P3H3: variants seen among roughly 807,000 people sequenced by gnomAD.
P3H3 encodes prolyl 3-hydroxylase 3.
Under a neutral mutation model 78.1 loss-of-function variants are expected in P3H3, and 64 were observed. The ratio of observed to expected loss-of-function variants is 0.82; its 90% confidence interval spans 0.67 to 1.01. P3H3 has a LOEUF of 1.01. Ranked by LOEUF, P3H3 falls within the 50% of genes least tolerant of loss-of-function variation. The pLI is 0.00. For synonymous variants in P3H3, 425 were observed against 416.7 expected (o/e 1.02, Z -0.24); for missense variants, 975 against 982.2 (o/e 0.99, Z 0.10).
At chr12:6,830,794 G>A (rs376674278) in intron 4 of P3H3, 24 bp downstream of exon 4, 48 of 1,613,146 alleles carry the variant, frequency 3.0e-5, no homozygotes, top group South Asian at 1.1e-4. Flanking sequence ...GGGTGGAAAC[G>A]GGGAGTGAAG....
Position 6,831,146 on chromosome 12 carries a change from C to T in P3H3, c.986-70C>T. 3 of 1,597,900 alleles carry T rather than the reference C, an allele frequency of 1.9e-6. No homozygotes were observed. The highest frequency in any genetic ancestry group is 2.6e-6 in the Non-Finnish European group (3 of 1,165,928). On this transcript the variant is annotated intron_variant, in intron 4 of 14. Coordinates refer to ENST00000290510, the MANE Select transcript of P3H3 (RefSeq NM_014262.5). This position sits in a 1 kb window ranked among gnomAD's most constrained non-coding sequence, Gnocchi z 4.6. ...TGGAGACCACCTTCTCCAGCACTGC[C>T]TCTGCCCCAAGGATCAATGTGCTCT...
chr12:6,833,628 C>G lies in P3H3; in HGVS notation c.1249C>G (p.Leu417Val). ...WTPAALIPEA[L>V]REKLREDQEK... ...CCCTGCAGCTCTCATCCCTGAGGCA[C>G]TTAGAGAAAAGCTCAGGTAGGATAT... is the stretch of plus-strand genomic sequence containing the variant. Residue 417 changes from leucine to valine, a missense_variant, in exon 7 of 15, where the codon CTT becomes GTT. By Grantham distance (32) the Leu-to-Val change is conservative. Transcript: ENST00000290510. 6.2e-7 allele frequency: 1 copy of G among 1,613,872 alleles called. No individual in the cohort carries two copies.
At position 6,837,485 on chromosome 12, in the gene P3H3, G is replaced by T. The variant is rs782706927; in HGVS notation, c.1623G>T (p.Arg541=). Residue 541 remains arginine (R), a synonymous_variant, in exon 11 of 15, where the codon CGG becomes CGT. Transcript: ENST00000290510. ...AGCTGCTTCTGGAGGTGAGCGAGCG[G>T]GTGCGGACCTTGACCCAGGCCTACT... is the stretch of plus-strand genomic sequence containing the variant. The part of the protein sequence containing the change: ...GAKLLLEVSE[R]VRTLTQAYFS... 1 of 1,611,612 alleles carries T rather than the reference G, an allele frequency of 6.2e-7. No homozygotes were observed. Among genetic ancestry groups the T allele is most frequent in the Admixed American group, 1.7e-5 (1 of 59,696 alleles).
intron 9 of P3H3, among the ~76,000 whole-genome samples, chr12:6,836,750 C>G (rs2269355): frequency 0.47 from 70,930 of 152,026 alleles, 16,878 homozygotes; most frequent in East Asian, 0.57. Context: ...CGAGTTCTCT[C>G]CACAGTCCCC....
intron 13 of P3H3, 116 bp downstream of exon 13, chr12:6,838,149 C>A: frequency 7.3e-7 from 1 of 1,371,138 alleles, no homozygotes; most frequent in Non-Finnish European, 1.0e-6. Flanking sequence ...TTAACCCTTT[C>A]ACTTCCCCGC....
Position 6,829,912 on chromosome 12 carries a change from C to A in P3H3, c.552C>A (p.Asn184Lys). The A allele has an allele frequency of 6.2e-7, 1 of 1,614,016 alleles. No homozygotes were observed. Among genetic ancestry groups the A allele is most frequent in the Non-Finnish European group, 8.5e-7 (1 of 1,179,876 alleles). Residue 184 changes from asparagine (N) to lysine (K), a missense_variant, in exon 2 of 15, where the codon AAC becomes AAA. By Grantham distance (94) the Asn-to-Lys change is moderately conservative (BLOSUM62 0). Transcript: ENST00000290510. The surrounding 1 kb of genome is among the most constrained non-coding windows in gnomAD (Gnocchi z 5.1). Reference protein sequence around the residue: ...AAAAHTFFVANPMHLQMREDM... With the variant: ...AAAAHTFFVAKPMHLQMREDM... ...CAGCACACACCTTCTTTGTAGCAAA[C>A]CCCATGCACCTGCAGATGCGGGAGG...
intron 4 of P3H3, chr12:6,830,978 T>C: frequency 1.2e-6 from 1 of 842,560 alleles, no homozygotes; most frequent in Non-Finnish European, 2.0e-6. Context: ...GCCTTGCTGC[T>C]TCTCACCTTC....
rs1380999921 is a variant in P3H3, at chr12:6,831,659, G to A, written c.1123-166G>A. Among the ~76,000 whole-genome samples the A allele has an allele frequency of 1.3e-5, 2 of 152,058 alleles. No individual in the cohort carries two copies. The highest frequency in any genetic ancestry group is 4.8e-5 in the African/African-American group (2 of 41,406). On this transcript the variant is annotated intron_variant, in intron 5 of 14. Coordinates refer to ENST00000290510, the MANE Select transcript of P3H3 (RefSeq NM_014262.5). This position sits in a 1 kb window ranked among gnomAD's most constrained non-coding sequence, Gnocchi z 4.6. The stretch of plus-strand genomic sequence containing the variant: ...ACTCCCACCCCCTACACCCTTTCCA[G>A]TTTAAGTCCAGATGCTCTGAAGCTG...
chr12:6,831,110 T>C lies in P3H3; in HGVS notation c.986-106T>C. The C allele has an allele frequency of 7.1e-7, 1 of 1,413,784 alleles. No individual in the cohort carries two copies. Among genetic ancestry groups the C allele is most frequent in the Non-Finnish European group, 1.0e-6 (1 of 999,170 alleles). The allele number at this position is 1,413,784 out of a possible 1,614,324, so 87.6% of individuals were successfully genotyped here. A position where few individuals can be genotyped will look rare whatever the true frequency, so the allele number is the denominator to read the frequency against. On this transcript the variant is annotated intron_variant, in intron 4 of 14. Coordinates refer to ENST00000290510, the MANE Select transcript of P3H3 (RefSeq NM_014262.5). The surrounding 1 kb of genome is among the most constrained non-coding windows in gnomAD (Gnocchi z 4.6). ...TGGGAAGGGGGCTCTTGGAGTTAGC[T>C]GTCTGGCCTCTGGAGACCACCTTCT...
rs782475839 is a variant in P3H3 at position 6,839,448 on chromosome 12, G to A, written c.2198G>A (p.Arg733Gln). The A allele has an allele frequency of 6.6e-5, 102 of 1,551,186 alleles. No homozygotes were observed. Among genetic ancestry groups the A allele is most frequent in the East Asian group, 2.0e-4 (8 of 40,918 alleles). Reference sequence around the variant, plus strand: ...AAGACTGGAAGGGCACCTCGGGTTCGGGAGGAGCTGTGAGTGGCTGAGCCA... The same window carrying A: ...AAGACTGGAAGGGCACCTCGGGTTCAGGAGGAGCTGTGAGTGGCTGAGCCA... The part of the protein sequence containing the change: ...QDKTGRAPRV[R>Q]EEL The change falls in exon 15 of 15, where the codon CGG becomes CAG. Residue 733 changes from arginine to glutamine, a missense_variant. By Grantham distance (43) the Arg-to-Gln change is conservative. Transcript: ENST00000290510.
intron 7 of P3H3, 46 bp downstream of exon 7, chr12:6,833,690 G>C: frequency 6.2e-7 from 1 of 1,605,492 alleles, no homozygotes; most frequent in Non-Finnish European, 8.5e-7. Flanking sequence ...GAGCTGGGAG[G>C]CTGGGTCTGG....
Position 6,837,415 on chromosome 12 carries a change from G to A in P3H3, c.1561-8G>A. The A allele has an allele frequency of 6.2e-7, 1 of 1,607,576 alleles. No individual in the cohort carries two copies. The highest frequency in any genetic ancestry group is 8.5e-7 in the Non-Finnish European group (1 of 1,177,308). On this transcript the variant is annotated splice_region_variant and splice_polypyrimidine_tract_variant and intron_variant, in intron 10 of 14. Transcript: ENST00000290510. The stretch of plus-strand genomic sequence containing the variant: ...CTCCTTTTCTGCCCTGCCTTTCACT[G>A]CCTGCAGCTGGCCCGGGCTGGGACA...
At chr12:6,838,794 G>C (rs1299765421) in intron 13 of P3H3, among the ~76,000 whole-genome samples, 1 of 152,120 alleles carries the variant, frequency 6.6e-6, no homozygotes, top group Non-Finnish European at 1.5e-5. Flanking sequence ...TTTTCCTTTG[G>C]TTCCCAACTC....
rs781993033 is a variant in P3H3 at position 6,838,038 on chromosome 12, G to A, written c.1905+5G>A. The A allele has an allele frequency of 1.8e-5, 29 of 1,597,554 alleles. No individual in the cohort carries two copies. In the Middle Eastern group the frequency reaches 1.2e-3, roughly 64 times the overall value. On this transcript the variant is annotated splice_donor_5th_base_variant and intron_variant, in intron 13 of 14. Transcript: ENST00000290510. Reference sequence around the variant, plus strand: ...CCCAACGCCCTCACTGTCACGGTGCGTGGAGTGGGGGGTGTGACGGTGTGA... The same window carrying A: ...CCCAACGCCCTCACTGTCACGGTGCATGGAGTGGGGGGTGTGACGGTGTGA...
intron 9 of P3H3, 59 bp from the exon 10 acceptor site, chr12:6,836,926 G>T: frequency 7.6e-7 from 1 of 1,315,346 alleles, no homozygotes; most frequent in South Asian, 1.2e-5. Flanking sequence ...GGGTCTTGCA[G>T]CCCTGCAGAC....
rs1555121285 is a variant in P3H3 at position 6,830,784 on chromosome 12, G to C, written c.985+14G>C. On this transcript the variant is annotated intron_variant, in intron 4 of 14. Transcript: ENST00000290510. ...CCCATGCTCAGGGTCAGTTGGGGAA[G>C]GGTGGAAACGGGGAGTGAAGATTTG... is the stretch of plus-strand genomic sequence containing the variant. 2.5e-6 allele frequency: 4 copies of C among 1,613,436 alleles called. No homozygotes were observed. The highest frequency in any genetic ancestry group is 2.2e-5 in the East Asian group (1 of 44,882).
In P3H3 at chr12:6,839,132, AG is replaced by A; in HGVS notation, c.2041del (p.Glu681SerfsTer5). 6.2e-7 allele frequency: 1 copy of A among 1,601,908 alleles called. No individual in the cohort carries two copies. The highest frequency in any genetic ancestry group is 8.5e-7 in the Non-Finnish European group (1 of 1,176,104). On this transcript the variant is annotated frameshift_variant, in exon 14 of 15. Transcript: ENST00000290510. LOFTEE classifies it high-confidence loss of function. ...ALWHTWAPEH[R>X]EQEWIEAKEL... ...GTGGCACACGTGGGCACCTGAGCAC[AG>A]GGAGCAGGTAAGGAGCGGGGTAGGA... is the stretch of plus-strand genomic sequence containing the variant.
At position 6,838,097 on chromosome 12, in the gene P3H3, C is replaced by T. The variant is rs1248174955; in HGVS notation, c.1905+64C>T. The T allele has an allele frequency of 7.7e-6, 12 of 1,550,040 alleles. No homozygotes were observed. In the South Asian group the frequency reaches 9.5e-5, roughly 12 times the overall value. On this transcript the variant is annotated intron_variant, in intron 13 of 14. Coordinates refer to ENST00000290510, the MANE Select transcript of P3H3 (RefSeq NM_014262.5). The stretch of plus-strand genomic sequence containing the variant: ...CCAGCTGTGGGGTCAGGATTCAAAA[C>T]AGAAGGCTCCAGAGGCAAATGCAGG...
At chr12:6,838,057 G>A (rs373144798) in intron 13 of P3H3, 24 bp downstream of exon 13, 53 of 1,583,076 alleles carry the variant, frequency 3.3e-5, no homozygotes, top group African/African-American at 3.0e-4. Flanking sequence ...GGGGTGTGAC[G>A]GTGTGACAAA....
Sources: allele counts gnomAD v4.1 joint callset (sites outside exome capture counted in the v4.1 genomes callset), GRCh38; gene constraint gnomAD v4.1.1; non-coding constraint Gnocchi (gnomAD v3.1); transcripts MANE v1.5; gene names NCBI Gene and HGNC (gene_info 2026-07-23, HGNC 2026-07-21).